The following RFC2 variants were observed in gnomAD, a reference collection of about 807,000 sequenced individuals.
RFC2 encodes the protein replication factor C subunit 2, also known as A1 40 kDa subunit.
A neutral mutation model predicts 44.8 loss-of-function variants in RFC2; 34 were observed. The ratio of observed to expected loss-of-function variants is 0.76; its 90% CI spans 0.58 to 1.01. The LOEUF is 1.01. Ranked by LOEUF, RFC2 falls within the 50% of genes least tolerant of loss-of-function variation. The pLI is 0.00. For synonymous variants in RFC2, 177 were observed against 168.9 expected (o/e 1.05, Z -0.37); for missense variants, 400 against 453.6 (o/e 0.88, Z 1.07).
intron 5 of RFC2, among the ~76,000 whole-genome samples, chr7:74,245,219 A>T (rs1375752024): frequency 1.3e-5 from 2 of 151,330 alleles, no homozygotes; most frequent in African/African-American, 4.8e-5. Flanking sequence ...AGTAGAGACG[A>T]AGTTTCTCCA....
At chr7:74,237,661 C>G (rs533470258) in intron 8 of RFC2, among the ~76,000 whole-genome samples, 2 of 152,288 alleles carry the variant, frequency 1.3e-5, no homozygotes, top group South Asian at 4.1e-4. Context: ...AAACATAAGA[C>G]AGATGAACAA....
chr7:74,246,789 G>T, intron 4 of RFC2, 26 bp from the exon 5 acceptor site: 1 of 1,507,672 alleles, frequency 6.6e-7, no homozygotes, highest in Non-Finnish European at 9.2e-7. Flanking sequence ...GTTTTTACTG[G>T]CACCTTCTGA....
intron 2 of RFC2, among the ~76,000 whole-genome samples, chr7:74,252,055 C>T (rs1274559690): frequency 1.0e-4 from 14 of 134,850 alleles, no homozygotes; most frequent in Admixed American, 4.1e-4. Flanking sequence ...GGCCAGATTA[C>T]GCCAATGCGC....
rs1554718757 is a variant in RFC2 at position 74,238,883 on chromosome 7, C to A, written c.759+40G>T. ...CCCCACTGGCCCCCACAGGGAAGCA[C>A]GGCTTCTGCTGACAGTACCACCCAC... On this transcript the variant is annotated intron_variant, in intron 8 of 10. Transcript: ENST00000055077. This position sits in a 1 kb window ranked among gnomAD's most constrained non-coding sequence, Gnocchi z 4.0. 1 of 1,546,828 alleles carries A rather than the reference C, an allele frequency of 6.5e-7. No individual in the cohort carries two copies. Among genetic ancestry groups the A allele is most frequent in the Non-Finnish European group, 8.9e-7 (1 of 1,119,048 alleles).
rs1014872913 is a variant in RFC2 at position 74,238,873 on chromosome 7, C to A, written c.759+50G>T. The A allele has an allele frequency of 1.3e-6, 2 of 1,495,936 alleles. No individual in the cohort carries two copies. Among genetic ancestry groups the A allele is most frequent in the East Asian group, 2.3e-5 (1 of 44,274 alleles). 92.7% of individuals were successfully genotyped at this position (1,495,936 alleles called of 1,614,324 possible). A position where few individuals can be genotyped will look rare whatever the true frequency, so the allele number is the denominator to read the frequency against. ...AGCCCTTCAGCCCCACTGGCCCCCA[C>A]AGGGAAGCACGGCTTCTGCTGACAG... On this transcript the variant is annotated intron_variant, in intron 8 of 10. Coordinates refer to ENST00000055077, the MANE Select transcript of RFC2 (RefSeq NM_181471.3). This position sits in a 1 kb window ranked among gnomAD's most constrained non-coding sequence, Gnocchi z 4.0.
Position 74,239,986 on chromosome 7 carries a change from A to G in RFC2, c.645T>C (p.Asp215=). 6.2e-7 allele frequency: 1 copy of G among 1,613,520 alleles called. No individual in the cohort carries two copies. The highest frequency in any genetic ancestry group is 1.7e-5 in the Admixed American group (1 of 59,862). Residue 215 remains aspartate (D), a synonymous_variant, in exon 7 of 11, where the codon GAT becomes GAC. Coordinates refer to ENST00000055077, the MANE Select transcript of RFC2 (RefSeq NM_181471.3). ...TGAAGATGATGGCTTCTAGGCCGTC[A>G]TCAGTGTAGGGTACCCTCTCCTTCT... The part of the protein sequence containing the change: ...VIEKERVPYT[D]DGLEAIIFTA...
intron 10 of RFC2, among the ~76,000 whole-genome samples, chr7:74,233,442 G>A (rs1160380611): frequency 1.3e-5 from 2 of 152,054 alleles, no homozygotes; most frequent in African/African-American, 2.4e-5. Context: ...TAAAAAATGG[G>A]TATATATGAA....
intron 9 of RFC2, among the ~76,000 whole-genome samples, chr7:74,235,914 C>A (rs1802991771): frequency 6.6e-6 from 1 of 152,146 alleles, no homozygotes; most frequent in South Asian, 2.1e-4. Flanking sequence ...CTGCCTCGAC[C>A]TCCAAAAGTG....
At chr7:74,247,555 G>A (rs1242688385) in intron 4 of RFC2, among the ~76,000 whole-genome samples, 2 of 152,134 alleles carry the variant, frequency 1.3e-5, no homozygotes, top group East Asian at 1.9e-4. Flanking sequence ...CACGAGAATC[G>A]CTTGAACCCA....
At chr7:74,236,582 C>G (rs920895118) in intron 9 of RFC2, among the ~76,000 whole-genome samples, 4 of 152,152 alleles carry the variant, frequency 2.6e-5, no homozygotes, top group African/African-American at 9.7e-5. Flanking sequence ...TCTTCCTGCT[C>G]CCTCCTCTCC....
Position 74,238,458 on chromosome 7 carries a change from C to G in RFC2, c.759+465G>C, listed in dbSNP as rs1803144345. 6.6e-6 allele frequency among the ~76,000 whole-genome samples: 1 copy of G among 152,084 alleles called. No homozygotes were observed. Among genetic ancestry groups the G allele is most frequent in the African/African-American group, 2.4e-5 (1 of 41,414 alleles). On this transcript the variant is annotated intron_variant, in intron 8 of 10. Transcript: ENST00000055077. This position sits in a 1 kb window ranked among gnomAD's most constrained non-coding sequence, Gnocchi z 4.0. ...GGCTTTGAGGGTTACTACCCACCCT[C>G]CAGGGGCAGAAGTGGGGAGCAGGGC...
chr7:74,244,736 G>A (rs1174504931), intron 5 of RFC2, among the ~76,000 whole-genome samples: 1 of 151,730 alleles, frequency 6.6e-6, no homozygotes, highest in African/African-American at 2.4e-5. Context: ...GGGAGGCCGA[G>A]GCAGACAGAT....
Position 74,246,734 on chromosome 7 carries a change from T to C in RFC2, c.362A>G (p.Lys121Arg). The C allele has an allele frequency of 6.2e-7, 1 of 1,612,814 alleles. No individual in the cohort carries two copies. The stretch of plus-strand genomic sequence containing the variant: ...AGTGACTTTTTGTTGAGCAAACATT[T>C]TAATTTTATTCCTCACAACGTCAAT... ...RGIDVVRNKI[K>R]MFAQQKVTLP... Residue 121 changes from lysine (K) to arginine (R), a missense_variant, in exon 5 of 11, where the codon AAA becomes AGA. Coordinates refer to ENST00000055077, the MANE Select transcript of RFC2 (RefSeq NM_181471.3).
intron 5 of RFC2, among the ~76,000 whole-genome samples, chr7:74,245,070 C>G (rs1238013231): frequency 6.6e-6 from 1 of 150,606 alleles, no homozygotes; most frequent in Non-Finnish European, 1.5e-5. Flanking sequence ...CTCTTGTTGC[C>G]CAGGTTGCAG....
Position 74,238,781 on chromosome 7 carries a change from G to C in RFC2, c.759+142C>G. ...GCAAAGCAGCAATAGGGAGAGGACA[G>C]ACGGGAGCAGGGTGGGCTCCCTGGC... is the stretch of plus-strand genomic sequence containing the variant. On this transcript the variant is annotated intron_variant, in intron 8 of 10. Transcript: ENST00000055077. This position sits in a 1 kb window ranked among gnomAD's most constrained non-coding sequence, Gnocchi z 4.0. The C allele has an allele frequency of 1.5e-6, 1 of 656,092 alleles. No homozygotes were observed. Among genetic ancestry groups the C allele is most frequent in the Non-Finnish European group, 2.7e-6 (1 of 365,464 alleles). The allele number at this position is 656,092 out of a possible 1,614,324, so 40.6% of individuals were successfully genotyped here. A position where few individuals can be genotyped will look rare whatever the true frequency, so the allele number is the denominator to read the frequency against.
intron 6 of RFC2, among the ~76,000 whole-genome samples, chr7:74,241,079 C>T (rs1554719229): frequency 6.6e-6 from 1 of 151,982 alleles, no homozygotes; most frequent in Admixed American, 6.6e-5. Context: ...TACAGGCGCA[C>T]GCTATCACAC....
chr7:74,247,795 C>G (rs754171636), intron 4 of RFC2, among the ~76,000 whole-genome samples: 5 of 152,120 alleles, frequency 3.3e-5, no homozygotes, highest in Non-Finnish European at 7.4e-5. Context: ...AGACATTTTC[C>G]CTAACTGAAG....
Position 74,243,155 on chromosome 7 carries a change from T to C in RFC2, c.526A>G (p.Lys176Glu). 2 of 1,611,628 alleles carry C rather than the reference T, an allele frequency of 1.2e-6. No homozygotes were observed. The highest frequency in any genetic ancestry group is 1.1e-5 in the South Asian group (1 of 91,014). The change falls in exon 6 of 11, where the codon AAG becomes GAG. Residue 176 changes from lysine to glutamate, a missense_variant. By Grantham distance (56) the Lys-to-Glu change is moderately conservative. Coordinates refer to ENST00000055077, the MANE Select transcript of RFC2 (RefSeq NM_181471.3). ...RFALACNASD[K>E]IIEPIQSRCA... ...GAAAGCTCCCACTCACCGATGATCT[T>C]ATCCGAAGCATTACAAGCAAGGGCG... is the stretch of plus-strand genomic sequence containing the variant.
chr7:74,236,731 AT>A (rs1803033558), intron 9 of RFC2, among the ~76,000 whole-genome samples: 1 of 152,056 alleles, frequency 6.6e-6, no homozygotes, highest in Admixed American at 6.6e-5. Context: ...TGGCTGACAA[AT>A]TTCTCCTGCA....
Sources: allele counts gnomAD v4.1 joint callset (sites outside exome capture counted in the v4.1 genomes callset), GRCh38; gene constraint gnomAD v4.1.1; non-coding constraint Gnocchi (gnomAD v3.1); transcripts MANE v1.5; gene names NCBI Gene and HGNC (gene_info 2026-07-23, HGNC 2026-07-21).